The following UBE2J2 variants were observed in gnomAD, a reference collection of about 807,000 sequenced individuals.
The protein encoded by UBE2J2 is ubiquitin-conjugating enzyme E2 J2.
UBE2J2 carries 5 observed loss-of-function variants against 28.6 expected under a neutral mutation model. The observed-to-expected ratio is 0.17, with a 90% CI of 0.09 to 0.37. UBE2J2 has a LOEUF of 0.37. Among genes scored for constraint, UBE2J2 ranks in the 10% least tolerant of loss-of-function variants. The pLI, the probability that UBE2J2 is intolerant of heterozygous loss-of-function variation, is 1.00. For missense variants in UBE2J2, 226 were observed against 338.9 expected (o/e 0.67, Z 2.62); for synonymous variants, 138 against 139.7 (o/e 0.99, Z 0.09).
chr1:1,266,151 C>G (rs1209090429), intron 2 of UBE2J2: 1 of 1,303,494 alleles, frequency 7.7e-7, no homozygotes, highest in African/African-American at 1.5e-5. Flanking sequence ...GGGCAGAGAG[C>G]ACTCTGGTGG....
At chr1:1,267,607 A>C (rs1482855160) in intron 2 of UBE2J2, 5 of 921,052 alleles carry the variant, frequency 5.4e-6, no homozygotes, top group Non-Finnish European at 7.4e-6. Flanking sequence ...GCCCCCCTCA[A>C]GGGCCCCACA....
rs1470810175 is a variant in UBE2J2 at position 1,268,399 on chromosome 1, C to T, written c.1-407G>A. Among the ~76,000 whole-genome samples, 1 of 152,118 alleles carries T rather than the reference C, an allele frequency of 6.6e-6. No individual in the cohort carries two copies. Among genetic ancestry groups the T allele is most frequent in the African/African-American group, 2.4e-5 (1 of 41,408 alleles). ...AAGGACCCCGCACTGATGGAGAATC[C>T]ACACCATAGAAGTGGGCAGGCACCA... is the stretch of plus-strand genomic sequence containing the variant. On this transcript the variant is annotated intron_variant, in intron 1 of 6. Coordinates refer to ENST00000349431, the MANE Select transcript of UBE2J2 (RefSeq NM_058167.3). The surrounding 1 kb of genome is among the most constrained non-coding windows in gnomAD (Gnocchi z 4.7).
intron 1 of UBE2J2, chr1:1,273,408 G>C (rs1023218298): frequency 2.0e-5 from 3 of 152,202 alleles, no homozygotes; most frequent in Admixed American, 6.5e-5. Flanking sequence ...TGGGGCAGCT[G>C]CAAGTGTCCC....
chr1:1,259,097 T>C (rs1019958205), intron 3 of UBE2J2, among the ~76,000 whole-genome samples: 9 of 135,294 alleles, frequency 6.7e-5, no homozygotes, highest in Non-Finnish European at 1.1e-4. Context: ...CGCACGTGTG[T>C]GCATGTGTGT....
chr1:1,256,976 A>G lies in UBE2J2; in HGVS notation c.414+16T>C. Reference sequence around the variant, plus strand: ...ACAAGGCTGACGGCCCACCAGGGAGAGGCTCTAAAACTTACCGTGAAGTCC... The same window carrying G: ...ACAAGGCTGACGGCCCACCAGGGAGGGGCTCTAAAACTTACCGTGAAGTCC... On this transcript the variant is annotated intron_variant, in intron 5 of 6. Coordinates refer to ENST00000349431, the MANE Select transcript of UBE2J2 (RefSeq NM_058167.3). 6.8e-7 allele frequency: 1 copy of G among 1,474,764 alleles called. No homozygotes were observed. The highest frequency in any genetic ancestry group is 9.0e-7 in the Non-Finnish European group (1 of 1,106,452). 91.4% of individuals were successfully genotyped at this position (1,474,764 alleles called of 1,614,324 possible).
Position 1,268,710 on chromosome 1 carries a change from T to G in UBE2J2, c.1-718A>C, listed in dbSNP as rs894382313. On this transcript the variant is annotated intron_variant, in intron 1 of 6. Coordinates refer to ENST00000349431, the MANE Select transcript of UBE2J2 (RefSeq NM_058167.3). This position sits in a 1 kb window ranked among gnomAD's most constrained non-coding sequence, Gnocchi z 4.7. ...GGGCATAAGAGTTTATTTACTTATT[T>G]TTCGTGAGACAGGGTCTTGCTCTGT... 6.6e-6 allele frequency among the ~76,000 whole-genome samples: 1 copy of G among 152,214 alleles called. No homozygotes were observed. Among genetic ancestry groups the G allele is most frequent in the African/African-American group, 2.4e-5 (1 of 41,456 alleles).
At chr1:1,265,540 C>T (rs542326929) in intron 2 of UBE2J2, among the ~76,000 whole-genome samples, 2 of 151,252 alleles carry the variant, frequency 1.3e-5, no homozygotes, top group Middle Eastern at 3.4e-3. Context: ...ATGCCTCTTC[C>T]GCTGGCTGAC....
At position 1,257,195 on chromosome 1, in the gene UBE2J2, C is replaced by T; in HGVS notation, c.275+13G>A. On this transcript the variant is annotated intron_variant, in intron 4 of 6. Transcript: ENST00000349431. Reference sequence around the variant, plus strand: ...CAGCCAGAAAGCCTCCGCGGCCCCTCCAGGCACCTTACCTGGTGTTGCACT... The same window carrying T: ...CAGCCAGAAAGCCTCCGCGGCCCCTTCAGGCACCTTACCTGGTGTTGCACT... 1 of 1,605,280 alleles carries T rather than the reference C, an allele frequency of 6.2e-7. No individual in the cohort carries two copies. The highest frequency in any genetic ancestry group is 8.5e-7 in the Non-Finnish European group (1 of 1,174,044).
At chr1:1,269,038 T>G (rs1476712774) in intron 1 of UBE2J2, among the ~76,000 whole-genome samples, 1 of 152,154 alleles carries the variant, frequency 6.6e-6, no homozygotes, top group Non-Finnish European at 1.5e-5. Context: ...GGAAAGTCAC[T>G]CTGGTGGCTC....
rs912852 is a variant in UBE2J2, at chr1:1,271,119, G to A, written c.-1+2547C>T. ...ACGCAGGGCCCTTCTGGGCCCCAGC[G>A]GGTTCCTCTGCCTAAGGAGTGCCTC... On this transcript the variant is annotated intron_variant, in intron 1 of 6. Transcript: ENST00000349431. 7.3e-3 allele frequency among the ~76,000 whole-genome samples: 1,113 copies of A among 152,340 alleles called. 11 individuals carry two copies. Among genetic ancestry groups the A allele is most frequent in the African/African-American group, 0.014 (584 of 41,590 alleles).
In UBE2J2 at chr1:1,255,010, G is replaced by T; in HGVS notation, c.*193C>A. On this transcript the variant is annotated 3_prime_UTR_variant, in exon 7 of 7. Coordinates refer to ENST00000349431, the MANE Select transcript of UBE2J2 (RefSeq NM_058167.3). ...ACCAGCCCCAGCGGCCCGTGGCCAG[G>T]ACAGGGCTGAGGCTCCAGTCTCCTC... The T allele has an allele frequency of 1.7e-6, 1 of 605,598 alleles. No homozygotes were observed. Among genetic ancestry groups the T allele is most frequent in the Non-Finnish European group, 2.8e-6 (1 of 358,632 alleles). 37.5% of individuals were successfully genotyped at this position (605,598 alleles called of 1,614,324 possible). A position where few individuals can be genotyped will look rare whatever the true frequency, so the allele number is the denominator to read the frequency against.
intron 2 of UBE2J2, 39 bp from the exon 3 acceptor site, chr1:1,263,425 GC>G (rs1426750939): frequency 5.1e-6 from 8 of 1,577,272 alleles, no homozygotes; most frequent in Non-Finnish European, 6.1e-6. Flanking sequence ...TTTGAGGACA[GC>G]AAATTCTCCA....
intron 5 of UBE2J2, among the ~76,000 whole-genome samples, chr1:1,256,581 C>T (rs1183632863): frequency 1.3e-5 from 2 of 152,136 alleles, no homozygotes; most frequent in Non-Finnish European, 2.9e-5. Context: ...GCCCCGCCTA[C>T]TGAGAAGAAA....
In UBE2J2 at chr1:1,255,070, C is replaced by G; in HGVS notation, c.*133G>C. ...GTCACACATTTTGGTTTTTGCTTCC[C>G]CTTTCAGGTTTTTAAAAGCTAAACC... is the stretch of plus-strand genomic sequence containing the variant. On this transcript the variant is annotated 3_prime_UTR_variant, in exon 7 of 7. Transcript: ENST00000349431. 2 of 1,083,642 alleles carry G rather than the reference C, an allele frequency of 1.8e-6. No individual in the cohort carries two copies. The highest frequency in any genetic ancestry group is 2.6e-6 in the Non-Finnish European group (2 of 776,254). The allele number at this position is 1,083,642 out of a possible 1,614,324, so 67.1% of individuals were successfully genotyped here. A position where few individuals can be genotyped will look rare whatever the true frequency, so the allele number is the denominator to read the frequency against.
chr1:1,255,514 G>A lies in UBE2J2; in HGVS notation c.496-27C>T, dbSNP rs1350561527. ...TAAGAGAAAAACAGCGAGAAAAGCA[G>A]CTGGTCTCCAACCAGCGCCTTTCAG... On this transcript the variant is annotated intron_variant, in intron 6 of 6. Coordinates refer to ENST00000349431, the MANE Select transcript of UBE2J2 (RefSeq NM_058167.3). 2.5e-6 allele frequency: 4 copies of A among 1,592,734 alleles called. No individual in the cohort carries two copies. The Admixed American group carries it at 5.1e-5, about 20-fold the overall frequency.
In UBE2J2 at chr1:1,265,189, T is replaced by C. The variant is rs60020892; in HGVS notation, c.132-1803A>G. Among the ~76,000 whole-genome samples the C allele has an allele frequency of 6.9e-3, 1,048 of 152,180 alleles. 8 individuals are homozygous for C. Among genetic ancestry groups the C allele is most frequent in the African/African-American group, 0.024 (983 of 41,524 alleles). ...GAGAAGATGGGATCCACGTGGCCCA[T>C]AGCGCACCCCACAGGCCTTTTCTGG... On this transcript the variant is annotated intron_variant, in intron 2 of 6. Transcript: ENST00000349431.
At chr1:1,257,407 C>CCCCT in intron 3 of UBE2J2, 97 bp from the exon 4 acceptor site, 1 of 554,638 alleles carries the variant, frequency 1.8e-6, no homozygotes, top group Non-Finnish European at 2.8e-6. Context: ...CCCCCCCCCC[C>CCCCT]CTCAGCTCGG....
chr1:1,267,637 C>T, intron 2 of UBE2J2: 1 of 1,204,222 alleles, frequency 8.3e-7, no homozygotes, highest in South Asian at 1.7e-5. Flanking sequence ...CTCTCCAGCC[C>T]CAGCCTGAGT....
intron 3 of UBE2J2, 78 bp from the exon 4 acceptor site, chr1:1,257,388 A>AC (rs1557550234): frequency 2.2e-5 from 3 of 135,510 alleles, no homozygotes; most frequent in Non-Finnish European, 3.5e-5. Context: ...CCATCCCCCC[A>AC]CGCCACCCCC....
Sources: allele counts gnomAD v4.1 joint callset (sites outside exome capture counted in the v4.1 genomes callset), GRCh38; gene constraint gnomAD v4.1.1; non-coding constraint Gnocchi (gnomAD v3.1); transcripts MANE v1.5; gene names NCBI Gene and HGNC (gene_info 2026-07-23, HGNC 2026-07-21).